The following BBS4 variants were observed in gnomAD, a reference collection of about 807,000 sequenced individuals.
BBS4 encodes Bardet-Biedl syndrome 4.
Under a neutral mutation model 71.4 loss-of-function variants are expected in BBS4, and 58 were observed. The observed-to-expected ratio is 0.81, with a 90% CI of 0.66 to 1.01. The LOEUF is 1.01. Ranked by LOEUF, BBS4 falls within the 50% of genes least tolerant of loss-of-function variation. BBS4 has a pLI of 0.00. For missense variants in BBS4, 660 were observed against 607.9 expected (o/e 1.09, Z -0.90); for synonymous variants, 228 against 216.8 (o/e 1.05, Z -0.46).
intron 9 of BBS4, among the ~76,000 whole-genome samples, chr15:72,729,320 G>A (rs938731271): frequency 6.9e-6 from 1 of 145,480 alleles, no homozygotes; most frequent in Non-Finnish European, 1.5e-5. Context: ...GCGTGATCTC[G>A]GCTCACTGCA....
chr15:72,737,067 C>T, intron 15 of BBS4, 104 bp downstream of exon 15: 4 of 1,366,498 alleles, frequency 2.9e-6, no homozygotes, highest in Non-Finnish European at 4.1e-6. Context: ...ACTCATATGT[C>T]CAACGTAGTA....
chr15:72,734,211 T>C (rs2065879262), intron 12 of BBS4, among the ~76,000 whole-genome samples: 1 of 152,216 alleles, frequency 6.6e-6, no homozygotes, highest in Admixed American at 6.5e-5. Flanking sequence ...CTGTTTACTG[T>C]GTTGATAGTT....
In BBS4 at chr15:72,735,864, G is replaced by A. The variant is rs1233631837; in HGVS notation, c.1146G>A (p.Leu382=). ...PLVNLNYAVL[L]YNQGEKKNAL... is the part of the protein sequence containing the mutation. ...TAAACCTGAACTATGCTGTGCTGCT[G>A]TACAACCAGGGCGAGAAGAAGAACG... The change falls in exon 14 of 16, where the codon CTG becomes CTA. Residue 382 remains leucine (L), a synonymous_variant. Coordinates refer to ENST00000268057, the MANE Select transcript of BBS4 (RefSeq NM_033028.5). 2.5e-6 allele frequency: 4 copies of A among 1,614,024 alleles called. No individual in the cohort carries two copies. Among genetic ancestry groups the A allele is most frequent in the African/African-American group, 2.7e-5 (2 of 74,904 alleles).
chr15:72,713,255 A>G (rs767546580), intron 4 of BBS4, among the ~76,000 whole-genome samples: 1 of 151,138 alleles, frequency 6.6e-6, no homozygotes, highest in Non-Finnish European at 1.5e-5. Flanking sequence ...AACATGTGGA[A>G]TGTGTCCTTG....
In BBS4 at chr15:72,736,927, A is replaced by ATG; in HGVS notation, c.1416_1417dup (p.Ser473CysfsTer45). ...CTCTAATCAAGCTCTAGGACAGGCA[A>ATG]TGTCTTCAGCAGCTGCATACAGGAC... is the stretch of plus-strand genomic sequence containing the variant. On this transcript the variant is annotated frameshift_variant, in exon 15 of 16. Transcript: ENST00000268057. LOFTEE classifies it high-confidence loss of function. 1 of 1,614,200 alleles carries ATG rather than the reference A, an allele frequency of 6.2e-7. No homozygotes were observed. Among genetic ancestry groups the ATG allele is most frequent in the Non-Finnish European group, 8.5e-7 (1 of 1,180,022 alleles).
intron 12 of BBS4, among the ~76,000 whole-genome samples, chr15:72,734,197 TTGTC>T (rs1446465924): frequency 6.6e-6 from 1 of 152,208 alleles, no homozygotes; most frequent in Non-Finnish European, 1.5e-5. Context: ...ATTTTGTACA[TTGTC>T]TGTTTACTGT....
rs531262429 is a variant in BBS4 at position 72,712,834 on chromosome 15, AATTT to A, written c.220+533_220+536del. ...AACACTGTACACTTAGCCTACACTA[AATTT>A]ATTTAAAAATATTTTTTCTACAATG... is the stretch of plus-strand genomic sequence containing the variant. On this transcript the variant is annotated intron_variant, in intron 4 of 15. Transcript: ENST00000268057. 1.6e-4 allele frequency among the ~76,000 whole-genome samples: 24 copies of A among 152,298 alleles called. No individual in the cohort carries two copies. In the South Asian group the frequency reaches 4.3e-3, roughly 28 times the overall value.
At chr15:72,724,438 C>A in intron 7 of BBS4, 90 bp from the exon 8 acceptor site, 1 of 1,574,864 alleles carries the variant, frequency 6.3e-7, no homozygotes, top group Non-Finnish European at 8.7e-7. Flanking sequence ...TATGTCAATA[C>A]AGCAGAAAGT....
At chr15:72,726,371 C>G (rs759006729) in intron 8 of BBS4, among the ~76,000 whole-genome samples, 2 of 152,128 alleles carry the variant, frequency 1.3e-5, no homozygotes, top group African/African-American at 2.4e-5. Context: ...CTTGGTCTCC[C>G]ATAGTGCTGG....
intron 12 of BBS4, among the ~76,000 whole-genome samples, chr15:72,734,186 C>T (rs914733600): frequency 1.4e-4 from 21 of 152,176 alleles, no homozygotes; most frequent in African/African-American, 4.8e-4. Context: ...TATTTTCTCC[C>T]ATTTTGTACA....
chr15:72,725,878 C>CTTCCTCCTTCCCT (rs2065679875), intron 8 of BBS4, among the ~76,000 whole-genome samples: 1 of 2,648 alleles, frequency 3.8e-4, no homozygotes, highest in African/African-American at 1.4e-3. Context: ...TCCCCATCCC[C>CTTCCTCCTTCCCT]CTTTCCCCAT....
chr15:72,703,011 T>G (rs28494963), intron 2 of BBS4, among the ~76,000 whole-genome samples: 1 of 2,292 alleles, frequency 4.4e-4, no homozygotes, highest in East Asian at 0.031. Context: ...GGGTTTCACC[T>G]TTTTTTAGCC....
intron 2 of BBS4, among the ~76,000 whole-genome samples, chr15:72,695,574 G>A (rs1217842663): frequency 2.6e-5 from 4 of 152,064 alleles, no homozygotes; most frequent in Admixed American, 6.6e-5. Flanking sequence ...GGCGTGAGCC[G>A]CCACGCCTGG....
At chr15:72,717,263 A>G in intron 6 of BBS4, 1 of 163,890 alleles carries the variant, frequency 6.1e-6, no homozygotes, top group Admixed American at 6.2e-5. Context: ...GCCTTTGAGT[A>G]GTTCTTTATT....
Position 72,737,591 on chromosome 15 carries a change from T to C in BBS4, c.*4T>C. The C allele has an allele frequency of 6.3e-7, 1 of 1,594,790 alleles. No homozygotes were observed. The highest frequency in any genetic ancestry group is 8.6e-7 in the Non-Finnish European group (1 of 1,168,400). ...AGAACAAATAAGAGAGAAATAAGAA[T>C]AGAATGAATGACCCCAAAATAGGGT... On this transcript the variant is annotated 3_prime_UTR_variant, in exon 16 of 16. Transcript: ENST00000268057.
chr15:72,715,476 G>C, intron 5 of BBS4, 74 bp downstream of exon 5: 1 of 983,428 alleles, frequency 1.0e-6, no homozygotes, highest in Admixed American at 1.7e-5. Flanking sequence ...GGTCCAGCCT[G>C]CTGCTGGCAG....
At position 72,731,651 on chromosome 15, in the gene BBS4, G is replaced by T; in HGVS notation, c.961G>T (p.Ala321Ser). Residue 321 changes from alanine (A) to serine (S), a missense_variant, in exon 12 of 16, where the codon GCA becomes TCA. Transcript: ENST00000268057. ...TGTCCATTTGACCATGCAGCAGTAT[G>T]CATCAGCTTTTCATTTTCTCAGTGC... ...GLVHLTMQQY[A>S]SAFHFLSAAI... 1 of 1,614,216 alleles carries T rather than the reference G, an allele frequency of 6.2e-7. No individual in the cohort carries two copies. Among genetic ancestry groups the T allele is most frequent in the South Asian group, 1.1e-5 (1 of 91,084 alleles).
chr15:72,692,768 A>T (rs1369247783), intron 1 of BBS4, among the ~76,000 whole-genome samples: 2 of 150,846 alleles, frequency 1.3e-5, no homozygotes, highest in African/African-American at 2.4e-5. Flanking sequence ...CTAATTTCTA[A>T]AGTTTTTTTT....
intron 2 of BBS4, among the ~76,000 whole-genome samples, chr15:72,701,993 A>T (rs1425011833): frequency 4.7e-5 from 7 of 150,280 alleles, no homozygotes; most frequent in Admixed American, 4.6e-4. Flanking sequence ...GTGTGCCACC[A>T]GGCCCAGCTA....
Sources: allele counts gnomAD v4.1 joint callset (sites outside exome capture counted in the v4.1 genomes callset), GRCh38; gene constraint gnomAD v4.1.1; transcripts MANE v1.5; gene names NCBI Gene and HGNC (gene_info 2026-07-23, HGNC 2026-07-21).